Variants in ZNF695 observed in about 807,000 individuals in gnomAD.
The protein encoded by ZNF695 is zinc finger protein SBZF3.
Under a neutral mutation model 11.2 loss-of-function variants are expected in ZNF695, and 11 were observed. The observed-to-expected ratio is 0.98, with a 90% CI of 0.62 to 1.62. The LOEUF is 1.62. Ranked by LOEUF, ZNF695 falls within the 40% of genes most tolerant of loss-of-function variation. The pLI, the probability that ZNF695 is intolerant of heterozygous loss-of-function variation, is 0.00. For missense variants in ZNF695, 559 were observed against 590.5 expected (o/e 0.95, Z 0.55); for synonymous variants, 190 against 201.4 (o/e 0.94, Z 0.48).
rs1668876712 is a variant in ZNF695, at chr1:246,987,223, G to A, written c.1292C>T (p.Thr431Ile). 1.2e-6 allele frequency: 2 copies of A among 1,613,890 alleles called. No individual in the cohort carries two copies. The highest frequency in any genetic ancestry group is 1.3e-5 in the African/African-American group (1 of 74,998). The part of the protein sequence containing the change: ...SYLTQHKRIH[T>I]GEKPYKCDEC... ...ATCACATTTGTAGGGTTTCTCTCCAGTATGAATTCTCTTATGTTGAGTAAG... is the reference window on the plus strand; with the variant it reads ...ATCACATTTGTAGGGTTTCTCTCCAATATGAATTCTCTTATGTTGAGTAAG... Residue 431 changes from threonine (T) to isoleucine (I), a missense_variant, in exon 4 of 4, where the codon ACT (threonine) becomes ATT (isoleucine). By Grantham distance (89) the Thr-to-Ile change is moderately conservative. Transcript: ENST00000339986.
At chr1:246,976,676 C>G (rs1317293600) in intron 4 of ZNF695, among the ~76,000 whole-genome samples, 1 of 151,948 alleles carries the variant, frequency 6.6e-6, no homozygotes, top group Non-Finnish European at 1.5e-5. Context: ...CACCTGTAGT[C>G]CCAGCTACTC....
chr1:246,945,791 G>T, exon 6 of ZNF695: 2 of 1,550,324 alleles, frequency 1.3e-6, no homozygotes, highest in Non-Finnish European at 1.7e-6. Flanking sequence ...AACCTCCGCA[G>T]GGTCTTCAAA....
intron 1 of ZNF695, among the ~76,000 whole-genome samples, chr1:247,002,202 A>G (rs952031422): frequency 1.3e-5 from 2 of 152,196 alleles, no homozygotes; most frequent in Admixed American, 1.3e-4. Context: ...AAAACCATAC[A>G]GTTACAAGGA....
intron 5 of ZNF695, among the ~76,000 whole-genome samples, chr1:246,953,459 A>C (rs975231811): frequency 6.6e-6 from 1 of 151,952 alleles, no homozygotes; most frequent in African/African-American, 2.4e-5. Flanking sequence ...AAAATATAAA[A>C]AATTAGCCAG....
At chr1:247,007,450 C>G (rs1669571826) in intron 1 of ZNF695, among the ~76,000 whole-genome samples, 1 of 134,802 alleles carries the variant, frequency 7.4e-6, no homozygotes, top group South Asian at 2.2e-4. Context: ...GAGCCGAGAT[C>G]GAGCCACCGA....
intron 3 of ZNF695, among the ~76,000 whole-genome samples, chr1:246,990,843 T>C (rs1669010315): frequency 6.6e-6 from 1 of 152,132 alleles, no homozygotes; most frequent in Non-Finnish European, 1.5e-5. Context: ...AATTAAACAA[T>C]ACGCTCCCAA....
At chr1:246,965,361 A>C (rs1298139647) in intron 5 of ZNF695, among the ~76,000 whole-genome samples, 2 of 150,794 alleles carry the variant, frequency 1.3e-5, no homozygotes, top group African/African-American at 2.4e-5. Flanking sequence ...TGTCTCAAAA[A>C]AAAAAAAAAA....
At chr1:246,981,295 A>G (rs1411226066), downstream of ZNF695, among the ~76,000 whole-genome samples, 1 of 152,182 alleles carries the variant, frequency 6.6e-6, no homozygotes. Context: ...GAACCAATAC[A>G]GCCACTGCCA....
At chr1:246,993,486 C>T (rs1344518797) in intron 3 of ZNF695, among the ~76,000 whole-genome samples, 1 of 152,026 alleles carries the variant, frequency 6.6e-6, no homozygotes, top group East Asian at 1.9e-4. Context: ...TTGAGAGGCT[C>T]CCATAATCTC....
At position 246,987,656 on chromosome 1, in the gene ZNF695, T is replaced by C; in HGVS notation, c.859A>G (p.Lys287Glu). 1 of 1,601,900 alleles carries C rather than the reference T, an allele frequency of 6.2e-7. No homozygotes were observed. The highest frequency in any genetic ancestry group is 8.5e-7 in the Non-Finnish European group (1 of 1,175,666). Residue 287 changes from lysine to glutamate, a missense_variant, in exon 4 of 4, where the codon AAG (lysine) becomes GAG (glutamate). Coordinates refer to ENST00000339986, the MANE Select transcript of ZNF695 (RefSeq NM_020394.5). ...GGTTTCTCTCCAGTATGAATTTTCT[T>C]ATGTTTAGTAAGAACTGAGCACAGG... ...FNLCSVLTKH[K>E]KIHTGEKPYK...
chr1:247,002,694 A>G (rs748782128), intron 1 of ZNF695, among the ~76,000 whole-genome samples: 2 of 152,132 alleles, frequency 1.3e-5, no homozygotes, highest in East Asian at 1.9e-4. Context: ...GAAGCAGGAA[A>G]ATCACTTGAA....
chr1:246,987,346 G>A lies in ZNF695; in HGVS notation c.1169C>T (p.Thr390Ile), dbSNP rs568480185. Residue 390 changes from threonine (T) to isoleucine (I), a missense_variant, in exon 4 of 4, where the codon ACC (threonine) becomes ATC (isoleucine). Physicochemically the swap from Thr to Ile is moderately conservative, Grantham distance 89. Coordinates refer to ENST00000339986, the MANE Select transcript of ZNF695 (RefSeq NM_020394.5). ...YKCEECGKAF[T>I]WFSYLIQHKR... Reference sequence around the variant, plus strand: ...ATGCTGAATAAGGTATGAGAACCAGGTAAAAGCTTTGCCACATTCCTCACA... The same window carrying A: ...ATGCTGAATAAGGTATGAGAACCAGATAAAAGCTTTGCCACATTCCTCACA... The A allele has an allele frequency of 1.0e-5, 16 of 1,607,370 alleles. No homozygotes were observed. In the South Asian group the frequency reaches 1.8e-4, roughly 18 times the overall value.
chr1:246,982,978 T>C (rs751934157), downstream of ZNF695, among the ~76,000 whole-genome samples: 83 of 145,596 alleles, frequency 5.7e-4, no homozygotes, highest in Admixed American at 1.7e-3. Context: ...CCGAGGCAGG[T>C]GGATCATGAG....
intron 3 of ZNF695, among the ~76,000 whole-genome samples, chr1:246,995,813 C>CAAAAAAAA (rs60375785): frequency 1.5e-5 from 1 of 66,776 alleles, no homozygotes; most frequent in Non-Finnish European, 3.0e-5. Flanking sequence ...GACTCTGTCT[C>CAAAAAAAA]AAAAAAAAAA....
chr1:246,958,729 A>T (rs1484085283), intron 5 of ZNF695, among the ~76,000 whole-genome samples: 1 of 152,210 alleles, frequency 6.6e-6, no homozygotes. Context: ...CTAACCATGG[A>T]AACGGTGCGA....
At chr1:246,951,249 A>G (rs572471203) in intron 5 of ZNF695, among the ~76,000 whole-genome samples, 16 of 152,198 alleles carry the variant, frequency 1.1e-4, no homozygotes, top group South Asian at 4.1e-4. Context: ...TCCTACCCCC[A>G]GTATCTCAGA....
chr1:246,977,473 C>A lies in ZNF695; in HGVS notation c.391-9681G>T, dbSNP rs76572985. Among the ~76,000 whole-genome samples, 596 of 152,142 alleles carry A rather than the reference C, an allele frequency of 3.9e-3. 1 individual carries two copies. Among genetic ancestry groups the A allele is most frequent in the Middle Eastern group, 0.01 (3 of 294 alleles). On this transcript the variant is annotated intron_variant, in intron 4 of 5. Transcript: ENST00000487338. ...GGGTTTTGCCATGTTGGCCAGGTTT[C>A]GAAAGCCTGACTTCGTGATCCACCC...
Position 246,986,209 on chromosome 1 carries a change from C to A in ZNF695, c.*758G>T, listed in dbSNP as rs373260192. 53 of 481,440 alleles carry A rather than the reference C, an allele frequency of 1.1e-4. No individual in the cohort carries two copies. Among genetic ancestry groups the A allele is most frequent in the African/African-American group, 1.0e-3 (50 of 47,640 alleles). 29.8% of individuals were successfully genotyped at this position (481,440 alleles called of 1,614,324 possible). On this transcript the variant is annotated 3_prime_UTR_variant, in exon 4 of 4. Coordinates refer to ENST00000339986, the MANE Select transcript of ZNF695 (RefSeq NM_020394.5). Reference sequence around the variant, plus strand: ...TGAGCCTTCCAAGTAGCTGGGACAACAGGCATGTGCCACCAAGCCTGGCTT... The same window carrying A: ...TGAGCCTTCCAAGTAGCTGGGACAAAAGGCATGTGCCACCAAGCCTGGCTT...
intron 5 of ZNF695, among the ~76,000 whole-genome samples, chr1:246,951,702 G>T (rs1188498720): frequency 6.6e-6 from 1 of 152,184 alleles, no homozygotes; most frequent in Non-Finnish European, 1.5e-5. Flanking sequence ...CAAATTGTCA[G>T]GAAAGCCAGC....
Sources: gnomAD v4.1 joint callset for allele counts (sites outside exome capture counted in the v4.1 genomes callset) on GRCh38, gnomAD v4.1.1 for gene constraint, MANE v1.5 for transcripts, NCBI Gene and HGNC (gene_info 2026-07-23, HGNC 2026-07-21) for gene names.